The following PACRG variants were observed in gnomAD, a reference collection of about 807,000 sequenced individuals.
The protein encoded by PACRG is parkin coregulated gene protein.
Under a neutral mutation model 29.7 loss-of-function variants are expected in PACRG, and 29 were observed. The ratio of observed to expected loss-of-function variants is 0.98; its 90% CI spans 0.73 to 1.33. The LOEUF (loss-of-function observed/expected upper bound fraction) is 1.33, where lower values mean the gene tolerates loss of function less well. PACRG is among the 40% of genes most tolerant of loss of function. The pLI, the probability that PACRG is intolerant of heterozygous loss-of-function variation, is 0.00. For missense variants in PACRG, 279 were observed against 316.2 expected (o/e 0.88, Z 0.89); for synonymous variants, 116 against 118.7 (o/e 0.98, Z 0.15).
intron 1 of PACRG, among the ~76,000 whole-genome samples, chr6:162,741,980 T>A (rs149519654): frequency 3.9e-5 from 6 of 152,226 alleles, no homozygotes; most frequent in Non-Finnish European, 8.8e-5. Context: ...ATAGTCACCA[T>A]GTTGTACAAT....
At chr6:163,209,149 A>G (rs1352716275) in intron 4 of PACRG, among the ~76,000 whole-genome samples, 1 of 152,220 alleles carries the variant, frequency 6.6e-6, no homozygotes, top group Admixed American at 6.5e-5. Flanking sequence ...TGCATTTAGT[A>G]AAGGAAGTAC....
intron 2 of PACRG, among the ~76,000 whole-genome samples, chr6:162,859,527 T>TCTCC (rs2128439532): frequency 6.6e-6 from 1 of 152,170 alleles, no homozygotes; most frequent in East Asian, 1.9e-4. Context: ...TCTCTCACCT[T>TCTCC]CTCCCTCCCT....
At chr6:162,905,401 A>G (rs1323317209) in intron 2 of PACRG, among the ~76,000 whole-genome samples, 2 of 152,304 alleles carry the variant, frequency 1.3e-5, no homozygotes, top group South Asian at 2.1e-4. Flanking sequence ...AAGCTTACCA[A>G]TTTTAAAAGG....
chr6:162,755,290 A>G (rs1781823007), intron 1 of PACRG, among the ~76,000 whole-genome samples: 1 of 151,562 alleles, frequency 6.6e-6, no homozygotes, highest in Non-Finnish European at 1.5e-5. Flanking sequence ...TTTGTTTATT[A>G]TTTATTCTCT....
At chr6:163,149,657 GCCCTCTGGGCGCT>G (rs751150306) in intron 4 of PACRG, among the ~76,000 whole-genome samples, 112 of 151,900 alleles carry the variant, frequency 7.4e-4, no homozygotes, top group Non-Finnish European at 1.5e-3. Flanking sequence ...CACAGCCTCC[GCCCTCTGGGCGCT>G]CCTATCCTTC....
chr6:162,900,054 C>G (rs1584702853), intron 2 of PACRG, among the ~76,000 whole-genome samples: 1 of 152,068 alleles, frequency 6.6e-6, no homozygotes, highest in African/African-American at 2.4e-5. Flanking sequence ...GAGCCAGTTC[C>G]TTATGGTCAG....
At chr6:163,292,393 G>A (rs1460572088) in intron 4 of PACRG, among the ~76,000 whole-genome samples, 1 of 152,016 alleles carries the variant, frequency 6.6e-6, no homozygotes, top group Non-Finnish European at 1.5e-5. Flanking sequence ...CTATCACTGG[G>A]CCCATGGCTT....
intron 2 of PACRG, among the ~76,000 whole-genome samples, chr6:162,856,184 G>A (rs372032919): frequency 1.3e-5 from 2 of 151,946 alleles, no homozygotes; most frequent in East Asian, 1.9e-4. Flanking sequence ...TCAGCCTCCC[G>A]AGTAGCTGGG....
At chr6:163,238,212 T>A (rs1309182963) in intron 4 of PACRG, among the ~76,000 whole-genome samples, 1 of 152,240 alleles carries the variant, frequency 6.6e-6, no homozygotes, top group Non-Finnish European at 1.5e-5. Flanking sequence ...TATTTAAGAA[T>A]GTTTTGTATT....
rs111919882 is a variant in PACRG, at chr6:163,199,383, T to C, written c.613+109975T>C. ...CTAGGACAGAGGCTCCTCCAGGGTT[T>C]GTGTCAGCCGCTGTTCCAAGTGAAA... On this transcript the variant is annotated intron_variant, in intron 4 of 4. Coordinates refer to ENST00000366888, the MANE Select transcript of PACRG (RefSeq NM_001080379.2). Among the ~76,000 whole-genome samples the C allele has an allele frequency of 1.2e-3, 177 of 152,314 alleles. 1 individual carries two copies. The highest frequency in any genetic ancestry group is 4.2e-3 in the African/African-American group (173 of 41,576).
intron 3 of PACRG, among the ~76,000 whole-genome samples, chr6:163,086,711 T>G (rs969853252): frequency 5.9e-5 from 9 of 152,138 alleles, no homozygotes; most frequent in African/African-American, 2.2e-4. Context: ...CTAAATGATA[T>G]CTTATATTCT....
intron 1 of PACRG, among the ~76,000 whole-genome samples, chr6:162,762,554 A>C (rs556430947): frequency 2.0e-5 from 3 of 152,316 alleles, no homozygotes; most frequent in African/African-American, 7.2e-5. Flanking sequence ...TTAAAAGGCC[A>C]GAAGTGTATA....
At chr6:162,894,329 G>C (rs1283963079) in intron 2 of PACRG, among the ~76,000 whole-genome samples, 2 of 152,166 alleles carry the variant, frequency 1.3e-5, no homozygotes, top group Non-Finnish European at 2.9e-5. Context: ...TATAAAACAT[G>C]TCTTGCTCTC....
chr6:163,158,373 AC>A (rs1182838777), intron 4 of PACRG, among the ~76,000 whole-genome samples: 1 of 151,914 alleles, frequency 6.6e-6, no homozygotes, highest in Non-Finnish European at 1.5e-5. Context: ...GAACCACGAA[AC>A]CTCTTTCACC....
chr6:162,764,121 A>G (rs1449045446), intron 1 of PACRG, among the ~76,000 whole-genome samples: 1 of 152,098 alleles, frequency 6.6e-6, no homozygotes, highest in Non-Finnish European at 1.5e-5. Flanking sequence ...TAAAAATACA[A>G]AAAATTAGCC....
chr6:163,191,174 A>G (rs1780192748), intron 4 of PACRG, among the ~76,000 whole-genome samples: 2 of 152,218 alleles, frequency 1.3e-5, no homozygotes, highest in Non-Finnish European at 2.9e-5. Context: ...AAGCCATTCC[A>G]CTTAAATGGA....
intron 2 of PACRG, among the ~76,000 whole-genome samples, chr6:162,956,590 C>T (rs180824541): frequency 7.2e-5 from 11 of 152,258 alleles, no homozygotes; most frequent in East Asian, 1.9e-4. Flanking sequence ...CTGAACTCTG[C>T]GGGGCAGAAT....
chr6:163,094,579 A>C (rs1177235979), intron 4 of PACRG, among the ~76,000 whole-genome samples: 3 of 152,254 alleles, frequency 2.0e-5, no homozygotes, highest in Middle Eastern at 3.4e-3. Context: ...CTAATCAACC[A>C]TTACTTCCAC....
chr6:163,117,989 G>T (rs1043504195), intron 4 of PACRG, among the ~76,000 whole-genome samples: 1 of 152,118 alleles, frequency 6.6e-6, no homozygotes, highest in Middle Eastern at 3.2e-3. Context: ...AGTGATGAAG[G>T]CTGACTTAAG....
Sources: allele counts gnomAD v4.1 joint callset (sites outside exome capture counted in the v4.1 genomes callset), GRCh38; gene constraint gnomAD v4.1.1; transcripts MANE v1.5; gene names NCBI Gene and HGNC (gene_info 2026-07-23, HGNC 2026-07-21).